ATG7: variants seen among roughly 807,000 people sequenced by gnomAD.
ATG7 encodes ubiquitin-like modifier-activating enzyme ATG7.
A neutral mutation model predicts 82.4 loss-of-function variants in ATG7; 70 were observed. The observed-to-expected ratio is 0.85, with a 90% CI of 0.70 to 1.04. The LOEUF is 1.04. ATG7 is among the 50% of genes least tolerant of loss of function. The pLI is 0.00. For missense variants in ATG7, 792 were observed against 864.3 expected (o/e 0.92, Z 1.05); for synonymous variants, 287 against 313.0 (o/e 0.92, Z 0.88).
At chr3:11,471,299 C>T (rs1419063286) in intron 20 of ATG7, among the ~76,000 whole-genome samples, 2 of 152,186 alleles carry the variant, frequency 1.3e-5, no homozygotes, top group African/African-American at 2.4e-5. Flanking sequence ...ACACTTCTGC[C>T]TGGCAAACAC....
At chr3:11,472,448 T>C (rs2087653850) in intron 20 of ATG7, among the ~76,000 whole-genome samples, 1 of 152,146 alleles carries the variant, frequency 6.6e-6, no homozygotes, top group Non-Finnish European at 1.5e-5. Context: ...GGGGGAACTG[T>C]AACTCTTTTT....
At chr3:11,476,476 T>C (rs2088238393) in intron 20 of ATG7, among the ~76,000 whole-genome samples, 1 of 151,030 alleles carries the variant, frequency 6.6e-6, no homozygotes, top group African/African-American at 2.4e-5. Context: ...AGAGCTGAGA[T>C]AAAACCATTT....
chr3:11,299,836 T>G (rs960375047), intron 5 of ATG7, among the ~76,000 whole-genome samples: 1 of 152,168 alleles, frequency 6.6e-6, no homozygotes, highest in Non-Finnish European at 1.5e-5. Flanking sequence ...GGCATTATAG[T>G]GCTATATAAA....
At chr3:11,498,154 T>TATAC (rs560078835) in intron 20 of ATG7, among the ~76,000 whole-genome samples, 2,050 of 152,198 alleles carry the variant, frequency 0.013, 26 homozygotes, top group Non-Finnish European at 0.02. Flanking sequence ...TATACACACA[T>TATAC]ATACATACAT....
At chr3:11,423,552 C>T (rs777519060) in intron 19 of ATG7, among the ~76,000 whole-genome samples, 1 of 152,046 alleles carries the variant, frequency 6.6e-6, no homozygotes, top group African/African-American at 2.4e-5. Context: ...ACATTTTTTC[C>T]TGACGTAACA....
chr3:11,403,258 T>C (rs2080010353), intron 19 of ATG7, among the ~76,000 whole-genome samples: 1 of 152,142 alleles, frequency 6.6e-6, no homozygotes, highest in Admixed American at 6.5e-5. Context: ...AAGAGTCTTT[T>C]GGAGTGCGGA....
chr3:11,417,702 C>G (rs1469127161), intron 19 of ATG7, among the ~76,000 whole-genome samples: 1 of 151,150 alleles, frequency 6.6e-6, no homozygotes, highest in Non-Finnish European at 1.5e-5. Flanking sequence ...TAACTATTTT[C>G]CATTTGTCAC....
intron 5 of ATG7, 112 bp from the exon 6 acceptor site, chr3:11,306,831 T>C: frequency 1.3e-6 from 1 of 758,788 alleles, no homozygotes; most frequent in Non-Finnish European, 2.3e-6. Flanking sequence ...GTTAATCTTC[T>C]GTTTGCCCTG....
At chr3:11,372,827 CGT>C (rs56253429) in intron 18 of ATG7, among the ~76,000 whole-genome samples, 69,826 of 127,010 alleles carry the variant, frequency 0.55, 19,681 homozygotes, top group Non-Finnish European at 0.63. Flanking sequence ...CGCGCGTGTG[CGT>C]GTGTGTGCGT....
At chr3:11,552,096 G>T (rs1040111669) in intron 20 of ATG7, among the ~76,000 whole-genome samples, 1 of 152,128 alleles carries the variant, frequency 6.6e-6, no homozygotes, top group South Asian at 2.1e-4. Context: ...GCATGTGGTG[G>T]GTTATAATTG....
intron 20 of ATG7, among the ~76,000 whole-genome samples, chr3:11,482,270 A>G (rs1205692874): frequency 6.6e-6 from 1 of 152,166 alleles, no homozygotes; most frequent in Non-Finnish European, 1.5e-5. Flanking sequence ...AGCGCTCAGC[A>G]TCTCCTGGTG....
At chr3:11,488,797 C>T (rs552877445) in intron 20 of ATG7, among the ~76,000 whole-genome samples, 115 of 152,268 alleles carry the variant, frequency 7.6e-4, no homozygotes, top group Non-Finnish European at 1.5e-3. Context: ...CTGCTGGATT[C>T]GGTTTGCCAG....
chr3:11,427,368 A>G (rs1447649220), intron 20 of ATG7, among the ~76,000 whole-genome samples: 1 of 152,002 alleles, frequency 6.6e-6, no homozygotes, highest in Non-Finnish European at 1.5e-5. Flanking sequence ...TCACGATTTG[A>G]TCAGTCTTCT....
At chr3:11,279,423 C>T (rs1942577101) in intron 1 of ATG7, among the ~76,000 whole-genome samples, 1 of 152,182 alleles carries the variant, frequency 6.6e-6, no homozygotes, top group African/African-American at 2.4e-5. Flanking sequence ...TGGTGGCTCA[C>T]GCCTGTAATC....
At chr3:11,386,604 A>T (rs1306413932) in intron 19 of ATG7, among the ~76,000 whole-genome samples, 2 of 152,190 alleles carry the variant, frequency 1.3e-5, no homozygotes, top group Non-Finnish European at 2.9e-5. Flanking sequence ...GGCAAATATT[A>T]CTCAAAACTG....
intron 20 of ATG7, among the ~76,000 whole-genome samples, chr3:11,471,745 C>CTTTTTTT (rs200590021): frequency 0.028 from 2,976 of 105,576 alleles, 282 homozygotes; most frequent in African/African-American, 0.046. Context: ...TTTTAGATTT[C>CTTTTTTT]TTTTTTTTTT....
chr3:11,458,261 G>A (rs936900074), intron 20 of ATG7, among the ~76,000 whole-genome samples: 3 of 151,800 alleles, frequency 2.0e-5, no homozygotes, highest in Non-Finnish European at 4.4e-5. Flanking sequence ...TCAGACTTGG[G>A]TTTTTTTGTT....
chr3:11,462,979 G>A (rs1376067651), intron 20 of ATG7, among the ~76,000 whole-genome samples: 2 of 151,866 alleles, frequency 1.3e-5, no homozygotes, highest in African/African-American at 4.8e-5. Context: ...TCTGCCTCCT[G>A]GGTTCAAGCG....
chr3:11,508,759 C>T (rs2091884285), intron 20 of ATG7, among the ~76,000 whole-genome samples: 2 of 152,186 alleles, frequency 1.3e-5, no homozygotes, highest in South Asian at 2.1e-4. Context: ...CCCTATGTAG[C>T]CTATTTTGAA....
Sources: gnomAD v4.1 joint callset for allele counts (sites outside exome capture counted in the v4.1 genomes callset) on GRCh38, gnomAD v4.1.1 for gene constraint, MANE v1.5 for transcripts, NCBI Gene and HGNC (gene_info 2026-07-23, HGNC 2026-07-21) for gene names.